The following AMPH variants were observed in gnomAD, a reference collection of about 807,000 sequenced individuals.
The protein encoded by AMPH is amphiphysin, also known as amphiphysin (Stiff-Mann syndrome with breast cancer 128kD autoantigen).
A neutral mutation model predicts 99.1 loss-of-function variants in AMPH; 49 were observed. That is an observed-to-expected ratio of 0.49 (90% CI 0.39 to 0.63). AMPH has a LOEUF of 0.63. Ranked by LOEUF, AMPH falls within the 20% of genes least tolerant of loss-of-function variation. The probability of loss-of-function intolerance (pLI) is 0.00; values close to 1 mark genes in which losing one functional copy is unlikely to be tolerated. For missense variants in AMPH, 759 were observed against 863.4 expected, an observed-to-expected ratio of 0.88 and a Z score of 1.52; for synonymous variants, 314 against 317.3, an observed-to-expected ratio of 0.99 and a Z score of 0.11.
intron 1 of AMPH, among the ~76,000 whole-genome samples, chr7:38,623,337 G>A (rs1439666970): frequency 6.6e-6 from 1 of 152,130 alleles, no homozygotes; most frequent in African/African-American, 2.4e-5. Flanking sequence ...GTTAAAATCT[G>A]AGTTCCTACA....
rs1242813935 is a variant in AMPH at position 38,429,091 on chromosome 7, C to T, written c.1182+751G>A. The T allele has an allele frequency of 2.3e-6, 3 of 1,290,242 alleles. No homozygotes were observed. In the African/African-American group the frequency reaches 4.6e-5, roughly 20 times the overall value. The allele number at this position is 1,290,242 out of a possible 1,614,324, so 79.9% of individuals were successfully genotyped here. A position where few individuals can be genotyped will look rare whatever the true frequency, so the allele number is the denominator to read the frequency against. ...GCCTCCACACCTGCCCACAGAGAAT[C>T]TTCCATCTTCTGTTTCTCTTCCTCT... On this transcript the variant is annotated intron_variant, in intron 14 of 20. Coordinates refer to ENST00000356264, the MANE Select transcript of AMPH (RefSeq NM_001635.4).
intron 17 of AMPH, among the ~76,000 whole-genome samples, chr7:38,396,539 G>C (rs1784674956): frequency 6.6e-6 from 1 of 152,202 alleles, no homozygotes; most frequent in South Asian, 2.1e-4. Context: ...GTTCACAAAA[G>C]TAATGATTTC....
At chr7:38,555,358 T>G (rs1281067398) in intron 1 of AMPH, among the ~76,000 whole-genome samples, 1 of 152,034 alleles carries the variant, frequency 6.6e-6, no homozygotes, top group Non-Finnish European at 1.5e-5. Flanking sequence ...TAAGCTATGA[T>G]CATGCCACTA....
chr7:38,430,410 A>G (rs1335245424), intron 13 of AMPH, among the ~76,000 whole-genome samples: 2 of 152,112 alleles, frequency 1.3e-5, no homozygotes, highest in Non-Finnish European at 2.9e-5. Flanking sequence ...CCACATAATG[A>G]AAAAATCTTG....
chr7:38,491,015 T>C, intron 5 of AMPH, 35 bp downstream of exon 5: 1 of 1,419,752 alleles, frequency 7.0e-7, no homozygotes, highest in African/African-American at 1.4e-5. Context: ...ATGACCCCAC[T>C]CAATCCTTCC....
intron 17 of AMPH, among the ~76,000 whole-genome samples, chr7:38,413,602 G>C (rs1251263876): frequency 1.3e-5 from 2 of 151,968 alleles, no homozygotes; most frequent in Non-Finnish European, 2.9e-5. Flanking sequence ...TTTGCTAATG[G>C]GAATACAATC....
intron 2 of AMPH, among the ~76,000 whole-genome samples, chr7:38,527,136 C>A (rs1011778615): frequency 1.3e-5 from 2 of 152,216 alleles, no homozygotes; most frequent in Non-Finnish European, 2.9e-5. Flanking sequence ...TATCTCTCTG[C>A]CAATACAATG....
chr7:38,489,555 A>G (rs1019930332), intron 5 of AMPH, among the ~76,000 whole-genome samples: 1 of 152,204 alleles, frequency 6.6e-6, no homozygotes, highest in African/African-American at 2.4e-5. Flanking sequence ...GCTTCTGCTC[A>G]GCAAAAGAAA....
rs556008496 is a variant in AMPH at position 38,556,795 on chromosome 7, T to C, written c.70-21784A>G. Among the ~76,000 whole-genome samples, 4 of 152,228 alleles carry C rather than the reference T, an allele frequency of 2.6e-5. 1 individual carries two copies. The South Asian group carries it at 8.3e-4, about 32-fold the overall frequency. ...TTTGTCTGGTATACCGCTATCCCCA[T>C]TATGTGCTAGACATAAAGACGGCAA... is the stretch of plus-strand genomic sequence containing the variant. On this transcript the variant is annotated intron_variant, in intron 1 of 20. Transcript: ENST00000356264.
intron 1 of AMPH, among the ~76,000 whole-genome samples, chr7:38,570,708 A>C (rs1290235900): frequency 1.3e-5 from 2 of 149,880 alleles, no homozygotes; most frequent in Non-Finnish European, 1.5e-5. Context: ...ATCGATTAAA[A>C]AAAAATAACT....
chr7:38,575,774 G>A (rs191715315), intron 1 of AMPH, among the ~76,000 whole-genome samples: 47 of 152,258 alleles, frequency 3.1e-4, no homozygotes, highest in African/African-American at 9.9e-4. Flanking sequence ...TAATACAGCC[G>A]TCTTGATGCT....
chr7:38,398,849 C>T (rs542430499), intron 17 of AMPH, among the ~76,000 whole-genome samples: 4 of 151,720 alleles, frequency 2.6e-5, no homozygotes, highest in Admixed American at 6.6e-5. Flanking sequence ...TAAAAATAAA[C>T]ATAAAATAAA....
At position 38,474,950 on chromosome 7, in the gene AMPH, T is replaced by C. The variant is rs528723486; in HGVS notation, c.590+381A>G. On this transcript the variant is annotated intron_variant, in intron 7 of 20. Coordinates refer to ENST00000356264, the MANE Select transcript of AMPH (RefSeq NM_001635.4). ...TCCTCCAAGAACTGAAAGGATATTA[T>C]TGTTAAGTTTCAAGATGAAGGGCAG... 2.6e-5 allele frequency among the ~76,000 whole-genome samples: 4 copies of C among 152,240 alleles called. No individual in the cohort carries two copies. In the East Asian group the frequency reaches 5.8e-4, roughly 22 times the overall value.
chr7:38,389,496 T>C (rs753454568), intron 20 of AMPH, among the ~76,000 whole-genome samples: 57 of 152,150 alleles, frequency 3.7e-4, no homozygotes, highest in Non-Finnish European at 7.4e-4. Context: ...GAAGGGGTCT[T>C]TTAGTTCACA....
chr7:38,583,098 G>A (rs1210851264), intron 1 of AMPH, among the ~76,000 whole-genome samples: 3 of 152,128 alleles, frequency 2.0e-5, no homozygotes, highest in Admixed American at 6.6e-5. Context: ...CCACCATCCC[G>A]CTTATTCATT....
chr7:38,611,120 G>A (rs1217645870), intron 1 of AMPH, among the ~76,000 whole-genome samples: 3 of 152,134 alleles, frequency 2.0e-5, no homozygotes, highest in Non-Finnish European at 4.4e-5. Flanking sequence ...TACATAAAAT[G>A]GAATGTGATT....
At chr7:38,542,449 C>T (rs542913254) in intron 1 of AMPH, among the ~76,000 whole-genome samples, 5 of 152,162 alleles carry the variant, frequency 3.3e-5, no homozygotes, top group Non-Finnish European at 7.3e-5. Context: ...GCAAAGGGAT[C>T]CTCCATATAC....
chr7:38,611,574 C>G (rs1421531663), intron 1 of AMPH, among the ~76,000 whole-genome samples: 1 of 152,214 alleles, frequency 6.6e-6, no homozygotes, highest in Non-Finnish European at 1.5e-5. Flanking sequence ...CTACATACAG[C>G]CTTAATGGCT....
intron 11 of AMPH, among the ~76,000 whole-genome samples, chr7:38,438,418 T>C (rs887967): frequency 0.67 from 101,296 of 151,910 alleles, 34,835 homozygotes; most frequent in East Asian, 0.89. Context: ...GGTAAGACTG[T>C]AGTTGGTACC....
Sources: allele counts gnomAD v4.1 joint callset (sites outside exome capture counted in the v4.1 genomes callset), GRCh38; gene constraint gnomAD v4.1.1; transcripts MANE v1.5; gene names NCBI Gene and HGNC (gene_info 2026-07-23, HGNC 2026-07-21).